CLASP1: variants seen among roughly 807,000 people sequenced by gnomAD.
The protein encoded by CLASP1 is cytoplasmic linker associated protein 1, also known as CLIP-associating protein 1.
Under a neutral mutation model 192.3 loss-of-function variants are expected in CLASP1, and 38 were observed. That is an observed-to-expected ratio of 0.20 (90% CI 0.15 to 0.26). The LOEUF is 0.26. CLASP1 is among the 10% of genes least tolerant of loss of function. CLASP1 has a pLI of 1.00. For synonymous variants in CLASP1, 691 were observed against 712.8 expected (o/e 0.97, Z 0.49); for missense variants, 1,433 against 1,932.5 (o/e 0.74, Z 4.85).
At chr2:121,464,523 T>TA (rs1278327176) in intron 9 of CLASP1, among the ~76,000 whole-genome samples, 11 of 152,360 alleles carry the variant, frequency 7.2e-5, no homozygotes, top group African/African-American at 2.6e-4. Flanking sequence ...TCCTGACTTT[T>TA]TAATGATTGC....
chr2:121,610,377 AGAGGAACTGGAGGAGGAG>A (rs2065100845), intron 1 of CLASP1, among the ~76,000 whole-genome samples: 1 of 139,682 alleles, frequency 7.2e-6, no homozygotes, highest in African/African-American at 2.7e-5. Context: ...TACAGGAGGA[AGAGGAACTGGAGGAGGAG>A]GAGGAGTTAC....
Position 121,515,650 on chromosome 2 carries a change from A to G in CLASP1, c.644+15T>C. 1 of 1,610,338 alleles carries G rather than the reference A, an allele frequency of 6.2e-7. No individual in the cohort carries two copies. Among genetic ancestry groups the G allele is most frequent in the Non-Finnish European group, 8.5e-7 (1 of 1,176,606 alleles). On this transcript the variant is annotated intron_variant, in intron 7 of 39. Coordinates refer to ENST00000263710, the Ensembl canonical transcript of CLASP1. ...GGTTGGGTAGAGCAGAAGAAAGGAA[A>G]AAATCTGCACTCACCGGGACTGTGG...
chr2:121,418,734 C>T lies in CLASP1; in HGVS notation c.2213-5G>A, dbSNP rs1033332437. On this transcript the variant is annotated splice_region_variant and splice_polypyrimidine_tract_variant and intron_variant, in intron 22 of 39. Coordinates refer to ENST00000263710, the Ensembl canonical transcript of CLASP1. ...GAGGGATACGGCTGCTCCGTGCTAG[C>T]GTGCAGCATGAAGGGTTTCAGAGAA... is the stretch of plus-strand genomic sequence containing the variant. 7.5e-6 allele frequency: 12 copies of T among 1,598,044 alleles called. No homozygotes were observed. Among genetic ancestry groups the T allele is most frequent in the Non-Finnish European group, 1.0e-5 (12 of 1,166,098 alleles).
At chr2:121,421,475 T>C (rs548582645) in intron 22 of CLASP1, among the ~76,000 whole-genome samples, 3 of 152,264 alleles carry the variant, frequency 2.0e-5, no homozygotes, top group East Asian at 3.9e-4. Context: ...CTTGAACTCC[T>C]GAGCTCAGGC....
intron 1 of CLASP1, among the ~76,000 whole-genome samples, chr2:121,642,401 T>TAAAAA (rs35181269): frequency 1.9e-5 from 2 of 107,528 alleles, no homozygotes; most frequent in South Asian, 2.9e-4. Flanking sequence ...ATCTTTTTGC[T>TAAAAA]AAAAAAAAAA....
At chr2:121,575,865 A>G (rs939395228) in intron 2 of CLASP1, among the ~76,000 whole-genome samples, 1 of 152,230 alleles carries the variant, frequency 6.6e-6, no homozygotes, top group Non-Finnish European at 1.5e-5. Context: ...AGGGCTTCAC[A>G]TTATGAGCTA....
intron 39 of CLASP1, among the ~76,000 whole-genome samples, chr2:121,344,478 T>C (rs978210528): frequency 2.6e-5 from 4 of 151,972 alleles, no homozygotes; most frequent in Non-Finnish European, 5.9e-5. Flanking sequence ...ATTACAGACA[T>C]GTGCCACCAC....
chr2:121,635,727 GTTTAT>G (rs2070719556), intron 1 of CLASP1, among the ~76,000 whole-genome samples: 1 of 152,186 alleles, frequency 6.6e-6, no homozygotes, highest in East Asian at 1.9e-4. Flanking sequence ...TTCTAATGCT[GTTTAT>G]TTTAATTTTT....
At chr2:121,343,348 T>C (rs1020729809) in intron 39 of CLASP1, among the ~76,000 whole-genome samples, 2 of 152,128 alleles carry the variant, frequency 1.3e-5, no homozygotes, top group African/African-American at 2.4e-5. Flanking sequence ...CCCTGAAACA[T>C]TAAGGACTTG....
chr2:121,344,973 C>T (rs894070828), intron 39 of CLASP1, among the ~76,000 whole-genome samples: 8 of 152,142 alleles, frequency 5.3e-5, no homozygotes, highest in Non-Finnish European at 1.2e-4. Context: ...GCCTGGCCAA[C>T]CAGGCAAAAC....
intron 2 of CLASP1, among the ~76,000 whole-genome samples, chr2:121,546,346 T>G (rs1023556953): frequency 1.3e-5 from 2 of 151,222 alleles, no homozygotes; most frequent in African/African-American, 4.9e-5. Flanking sequence ...GATGGCTGAC[T>G]AGAAGCATCT....
chr2:121,587,830 CA>C (rs111239136), intron 2 of CLASP1, among the ~76,000 whole-genome samples: 107 of 128,866 alleles, frequency 8.3e-4, no homozygotes, highest in African/African-American at 1.3e-3. Context: ...GACTCCATCT[CA>C]AAAAAAAAAA....
intron 19 of CLASP1, among the ~76,000 whole-genome samples, chr2:121,443,545 C>T (rs1399122425): frequency 6.6e-6 from 1 of 152,214 alleles, no homozygotes; most frequent in African/African-American, 2.4e-5. Flanking sequence ...AGAAAATTAT[C>T]AACCAGCTTC....
intron 7 of CLASP1, chr2:121,513,003 A>G (rs554641862): frequency 2.6e-5 from 4 of 152,346 alleles, no homozygotes; most frequent in Non-Finnish European, 5.9e-5. Context: ...AAAAATCTAT[A>G]ATGATGTAAG....
chr2:121,524,877 C>A (rs1327285359), intron 6 of CLASP1, among the ~76,000 whole-genome samples: 1 of 152,092 alleles, frequency 6.6e-6, no homozygotes, highest in Non-Finnish European at 1.5e-5. Flanking sequence ...AGCAGCACAA[C>A]AGCCAAAGAG....
intron 2 of CLASP1, 77 bp downstream of exon 2, chr2:121,605,624 G>A: frequency 5.7e-6 from 6 of 1,050,982 alleles, no homozygotes; most frequent in Non-Finnish European, 8.6e-6. Context: ...GCTCACAAGG[G>A]ATTTTTATAA....
At chr2:121,447,009 C>G (rs1287549397) in intron 19 of CLASP1, among the ~76,000 whole-genome samples, 1 of 152,162 alleles carries the variant, frequency 6.6e-6, no homozygotes, top group East Asian at 1.9e-4. Flanking sequence ...GGGGAAAAAA[C>G]TTAGCTTTGA....
chr2:121,626,864 A>G (rs1251938831), intron 1 of CLASP1, among the ~76,000 whole-genome samples: 2 of 152,226 alleles, frequency 1.3e-5, no homozygotes, highest in Admixed American at 1.3e-4. Flanking sequence ...AAAGACCTAC[A>G]AAGGAAAGAT....
intron 3 of CLASP1, among the ~76,000 whole-genome samples, chr2:121,529,933 G>GT (rs1276942195): frequency 3.9e-5 from 6 of 152,184 alleles, no homozygotes; most frequent in Non-Finnish European, 7.3e-5. Context: ...ATTAGAACAC[G>GT]TATTACTAAG....
Sources: allele counts gnomAD v4.1 joint callset (sites outside exome capture counted in the v4.1 genomes callset), GRCh38; gene constraint gnomAD v4.1.1; transcripts MANE v1.5; gene names NCBI Gene and HGNC (gene_info 2026-07-23, HGNC 2026-07-21).